DERA: variants seen among roughly 807,000 people sequenced by gnomAD.
The protein encoded by DERA is 2-deoxy-D-ribose 5-phosphate aldolase.
DERA carries 15 observed loss-of-function variants against 41.1 expected under a neutral mutation model. The observed-to-expected ratio is 0.37, with a 90% confidence interval of 0.24 to 0.56. The LOEUF (loss-of-function observed/expected upper bound fraction) is 0.56. Among genes scored for constraint, DERA ranks in the 20% least tolerant of loss-of-function variants. The pLI is 0.81. For synonymous variants in DERA, 139 were observed against 137.4 expected, an observed-to-expected ratio of 1.01 and a Z score of -0.08; for missense variants, 396 against 403.4, an observed-to-expected ratio of 0.98 and a Z score of 0.16.
In DERA at chr12:15,984,953, C is replaced by T. The variant is rs1264816294; in HGVS notation, c.637+2517C>T. ...TCTGACTAAATTCTGTATTCTACTTCTGTGGTGGTATAAAAAATTTTTTCT... is the reference window on the plus strand; with the variant it reads ...TCTGACTAAATTCTGTATTCTACTTTTGTGGTGGTATAAAAAATTTTTTCT... On this transcript the variant is annotated intron_variant, in intron 6 of 8. Coordinates refer to ENST00000428559, the MANE Select transcript of DERA (RefSeq NM_015954.4). This position sits in a 1 kb window ranked among gnomAD's most constrained non-coding sequence, Gnocchi z 4.5. 6.6e-6 allele frequency among the ~76,000 whole-genome samples: 1 copy of T among 152,168 alleles called. No homozygotes were observed. The highest frequency in any genetic ancestry group is 1.5e-5 in the Non-Finnish European group (1 of 68,022).
chr12:15,926,221 C>T (rs1176364108), intron 1 of DERA, among the ~76,000 whole-genome samples: 4 of 151,602 alleles, frequency 2.6e-5, no homozygotes, highest in African/African-American at 9.7e-5. Context: ...AAGATGAAGT[C>T]TTGCTATGTT....
Position 15,941,563 on chromosome 12 carries a change from A to G in DERA, c.32-15373A>G, listed in dbSNP as rs570280819. On this transcript the variant is annotated intron_variant, in intron 1 of 8. Coordinates refer to ENST00000428559, the MANE Select transcript of DERA (RefSeq NM_015954.4). The surrounding 1 kb of genome is among the most constrained non-coding windows in gnomAD (Gnocchi z 4.5). ...CCGCTGAATCCTCAGAGTTCGCTAT[A>G]TCATCCTTATGCCTTTGTGTCCTCA... 6.6e-6 allele frequency among the ~76,000 whole-genome samples: 1 copy of G among 152,190 alleles called. No individual in the cohort carries two copies. The highest frequency in any genetic ancestry group is 6.5e-5 in the Admixed American group (1 of 15,274).
At position 16,012,006 on chromosome 12, in the gene DERA, G is replaced by GA. The variant is rs79299853; in HGVS notation, c.638-20530dup. Among the ~76,000 whole-genome samples the GA allele has an allele frequency of 0.081, 12,274 of 152,156 alleles. 1,487 individuals are homozygous for GA. Among genetic ancestry groups the GA allele is most frequent in the African/African-American group, 0.26 (10,623 of 41,478 alleles). ...TTTCTAAATTAGGCAATCAAACCAA[G>GA]AAAAAACACATAAAACATGCATAAC... On this transcript the variant is annotated intron_variant, in intron 6 of 8. Transcript: ENST00000428559. This position sits in a 1 kb window ranked among gnomAD's most constrained non-coding sequence, Gnocchi z 4.1.
At chr12:15,958,111 A>C (rs1948554034) in intron 2 of DERA, 77 bp from the exon 3 acceptor site, 1 of 1,262,648 alleles carries the variant, frequency 7.9e-7, no homozygotes, top group Admixed American at 2.6e-5. Context: ...ATGATTCTCT[A>C]CTAACCACCT....
chr12:15,954,504 G>A lies in DERA; in HGVS notation c.32-2432G>A, dbSNP rs961731141. Among the ~76,000 whole-genome samples the A allele has an allele frequency of 6.6e-5, 10 of 152,196 alleles. No individual in the cohort carries two copies. Among genetic ancestry groups the A allele is most frequent in the Non-Finnish European group, 1.5e-4 (10 of 68,032 alleles). The stretch of plus-strand genomic sequence containing the variant: ...ATCGACTCTTAAAGGATGAGCAGCA[G>A]TTCACTGTTCGCAAAGCAGGGAGGG... On this transcript the variant is annotated intron_variant, in intron 1 of 8. Coordinates refer to ENST00000428559, the MANE Select transcript of DERA (RefSeq NM_015954.4). This position sits in a 1 kb window ranked among gnomAD's most constrained non-coding sequence, Gnocchi z 4.0.
intron 1 of DERA, among the ~76,000 whole-genome samples, chr12:15,925,486 GA>G (rs900800374): frequency 2.7e-4 from 41 of 150,304 alleles, no homozygotes; most frequent in Admixed American, 5.3e-4. Flanking sequence ...TTTTAAGTGT[GA>G]AAAAAAAAGA....
rs116578238 is a variant in DERA at position 15,940,641 on chromosome 12, G to A, written c.32-16295G>A. On this transcript the variant is annotated intron_variant, in intron 1 of 8. Transcript: ENST00000428559. The surrounding 1 kb of genome is among the most constrained non-coding windows in gnomAD (Gnocchi z 5.1). ...GCTGGGATTACAGGCGTGAGCCACC[G>A]CATCCGGCCTGCTTTACTTCTTACA... 0.021 allele frequency among the ~76,000 whole-genome samples: 3,198 copies of A among 152,182 alleles called. 124 individuals are homozygous for A. Among genetic ancestry groups the A allele is most frequent in the African/African-American group, 0.073 (3,012 of 41,516 alleles).
intron 6 of DERA, among the ~76,000 whole-genome samples, chr12:16,025,239 G>A (rs1949045580): frequency 6.6e-6 from 1 of 152,128 alleles, no homozygotes; most frequent in Non-Finnish European, 1.5e-5. Flanking sequence ...AATGTTAGTA[G>A]TCTAAATATG....
At chr12:16,031,857 A>G (rs908148318) in intron 6 of DERA, among the ~76,000 whole-genome samples, 16 of 152,314 alleles carry the variant, frequency 1.1e-4, no homozygotes, top group African/African-American at 3.8e-4. Flanking sequence ...ATACTTGTAA[A>G]GCATCTAGAT....
rs1565616253 is a variant in DERA, at chr12:16,020,909, A to G, written c.638-11633A>G. ...GAAATTTCTAAGCAGCAAAGCATTC[A>G]TGATGTGGCCCGGCTACTTCTAACA... is the stretch of plus-strand genomic sequence containing the variant. On this transcript the variant is annotated intron_variant, in intron 6 of 8. Transcript: ENST00000428559. This position sits in a 1 kb window ranked among gnomAD's most constrained non-coding sequence, Gnocchi z 5.5. Among the ~76,000 whole-genome samples the G allele has an allele frequency of 6.6e-6, 1 of 152,230 alleles. No individual in the cohort carries two copies. The highest frequency in any genetic ancestry group is 1.5e-5 in the Non-Finnish European group (1 of 68,040).
chr12:16,016,014 AGTATTCT>A (rs1352929995), intron 6 of DERA, among the ~76,000 whole-genome samples: 1 of 152,196 alleles, frequency 6.6e-6, no homozygotes, highest in Non-Finnish European at 1.5e-5. Context: ...AGGCGGTTTT[AGTATTCT>A]CACAAAGTTG....
chr12:15,926,124 A>G (rs888070754), intron 1 of DERA, among the ~76,000 whole-genome samples: 1 of 150,534 alleles, frequency 6.6e-6, no homozygotes, highest in Non-Finnish European at 1.5e-5. Context: ...TACCTGGTCA[A>G]CTCCTGAGGC....
At position 16,011,179 on chromosome 12, in the gene DERA, C is replaced by T. The variant is rs1035901811; in HGVS notation, c.638-21363C>T. On this transcript the variant is annotated intron_variant, in intron 6 of 8. Coordinates refer to ENST00000428559, the MANE Select transcript of DERA (RefSeq NM_015954.4). The surrounding 1 kb of genome is among the most constrained non-coding windows in gnomAD (Gnocchi z 4.7). ...CTATATATTCCAAACTTGCTAGTGA[C>T]AGTAGAAAGCACAATCAAAAGGAAA... Among the ~76,000 whole-genome samples, 1 of 152,062 alleles carries T rather than the reference C, an allele frequency of 6.6e-6. No homozygotes were observed. Among genetic ancestry groups the T allele is most frequent in the Non-Finnish European group, 1.5e-5 (1 of 68,002 alleles).
intron 4 of DERA, among the ~76,000 whole-genome samples, chr12:15,960,366 G>A (rs546897243): frequency 6.6e-6 from 1 of 150,968 alleles, no homozygotes; most frequent in Admixed American, 6.6e-5. Flanking sequence ...GGCTGGGGAC[G>A]GTGGCTCACA....
intron 6 of DERA, among the ~76,000 whole-genome samples, chr12:15,986,061 T>TGC (rs1395140058): frequency 6.6e-6 from 1 of 152,154 alleles, no homozygotes; most frequent in Non-Finnish European, 1.5e-5. Context: ...ATTGTTATGT[T>TGC]TACCTGTTGA....
rs1049569025 is a variant in DERA, at chr12:15,960,654, A to C, written c.373+730A>C. 2.2e-4 allele frequency among the ~76,000 whole-genome samples: 33 copies of C among 151,386 alleles called. 1 individual carries two copies. Among genetic ancestry groups the C allele is most frequent in the African/African-American group, 4.8e-4 (20 of 41,316 alleles). ...TCCGTCTCAAAAAAAAAAAAAAAAA[A>C]AAAAAAAAACAACGATATGTGCAAA... On this transcript the variant is annotated intron_variant, in intron 4 of 8. Coordinates refer to ENST00000428559, the MANE Select transcript of DERA (RefSeq NM_015954.4).
rs1440694402 is a variant in DERA, at chr12:15,995,078, A to G, written c.637+12642A>G. Among the ~76,000 whole-genome samples the G allele has an allele frequency of 1.3e-5, 2 of 152,116 alleles. No homozygotes were observed. Among genetic ancestry groups the G allele is most frequent in the Non-Finnish European group, 2.9e-5 (2 of 68,014 alleles). On this transcript the variant is annotated intron_variant, in intron 6 of 8. Coordinates refer to ENST00000428559, the MANE Select transcript of DERA (RefSeq NM_015954.4). The surrounding 1 kb of genome is among the most constrained non-coding windows in gnomAD (Gnocchi z 5.1). ...AACTCCATGCTTTTATTAATGCACA[A>G]CCCTGCTCTCTATCCTGCAATTGAT...
rs576953235 is a variant in DERA at position 16,026,222 on chromosome 12, A to T, written c.638-6320A>T. On this transcript the variant is annotated intron_variant, in intron 6 of 8. Coordinates refer to ENST00000428559, the MANE Select transcript of DERA (RefSeq NM_015954.4). The surrounding 1 kb of genome is among the most constrained non-coding windows in gnomAD (Gnocchi z 4.4). ...AATTGAAAACAAAAACAACAGAGAA[A>T]TTTTTTTTTTTAAATATCCTAAAAG... Among the ~76,000 whole-genome samples, 14 of 149,444 alleles carry T rather than the reference A, an allele frequency of 9.4e-5. No homozygotes were observed. The highest frequency in any genetic ancestry group is 8.5e-4 in the South Asian group (4 of 4,714).
At chr12:15,917,127 A>G (rs1214689510) in intron 1 of DERA, among the ~76,000 whole-genome samples, 1 of 152,158 alleles carries the variant, frequency 6.6e-6, no homozygotes, top group Non-Finnish European at 1.5e-5. Context: ...ACACCTTACA[A>G]AGTCCCCATA....
Sources: allele counts gnomAD v4.1 joint callset (sites outside exome capture counted in the v4.1 genomes callset), GRCh38; gene constraint gnomAD v4.1.1; non-coding constraint Gnocchi (gnomAD v3.1); transcripts MANE v1.5; gene names NCBI Gene and HGNC (gene_info 2026-07-23, HGNC 2026-07-21).